The following PAM variants were observed in gnomAD, a reference collection of about 807,000 sequenced individuals.
PAM encodes the protein peptidylglycine alpha-amidating monooxygenase.
A neutral mutation model predicts 122.1 loss-of-function variants in PAM; 72 were observed. That is an observed-to-expected ratio of 0.59 (90% CI 0.49 to 0.72). The LOEUF (loss-of-function observed/expected upper bound fraction) is 0.72, where lower values mean the gene tolerates loss of function less well. Among genes scored for constraint, PAM ranks in the 30% least tolerant of loss-of-function variants. The pLI is 0.00. For missense variants in PAM, 1,106 were observed against 1,183.7 expected, an observed-to-expected ratio of 0.93 and a Z score of 0.96; for synonymous variants, 389 against 404.4, an observed-to-expected ratio of 0.96 and a Z score of 0.46.
At chr5:102,916,728 A>G (rs1803238006) in intron 5 of PAM, among the ~76,000 whole-genome samples, 1 of 146,448 alleles carries the variant, frequency 6.8e-6, no homozygotes, top group Non-Finnish European at 1.5e-5. Context: ...TATATCATAT[A>G]TTTATTTTAT....
chr5:102,822,677 A>AGAGT (rs1772359330), intron 1 of PAM, among the ~76,000 whole-genome samples: 1 of 152,168 alleles, frequency 6.6e-6, no homozygotes, highest in Admixed American at 6.6e-5. Flanking sequence ...CTAAGTGTGA[A>AGAGT]GAGTTAATGC....
chr5:102,756,043 C>A (rs1467273407), intron 1 of PAM, among the ~76,000 whole-genome samples: 2 of 152,152 alleles, frequency 1.3e-5, no homozygotes, highest in Non-Finnish European at 2.9e-5. Context: ...AGCTCTGTGG[C>A]CTTGGGACCC....
chr5:102,900,297 A>C (rs2151392468), intron 3 of PAM, among the ~76,000 whole-genome samples: 1 of 150,644 alleles, frequency 6.6e-6, no homozygotes, highest in African/African-American at 2.4e-5. Context: ...ATCAGCACAA[A>C]TCCTTATTAG....
chr5:102,961,285 C>A, intron 14 of PAM, 56 bp downstream of exon 14: 1 of 916,084 alleles, frequency 1.1e-6, no homozygotes, highest in Non-Finnish European at 1.8e-6. Context: ...TCCAAGTAGG[C>A]AACCAAATTG....
chr5:102,977,515 A>G (rs1259135411), intron 15 of PAM, among the ~76,000 whole-genome samples: 2 of 151,966 alleles, frequency 1.3e-5, no homozygotes, highest in African/African-American at 2.4e-5. Flanking sequence ...ACTCTGAACA[A>G]TTGTGAAAAC....
At chr5:102,859,802 T>C (rs903557148) in intron 1 of PAM, among the ~76,000 whole-genome samples, 1 of 152,230 alleles carries the variant, frequency 6.6e-6, no homozygotes, top group East Asian at 1.9e-4. Flanking sequence ...GTATTTTTAC[T>C]GTACCTTTTC....
chr5:102,890,916 C>T (rs1581387485), intron 3 of PAM, among the ~76,000 whole-genome samples: 1 of 151,976 alleles, frequency 6.6e-6, no homozygotes, highest in Non-Finnish European at 1.5e-5. Context: ...AACTGTGTGA[C>T]AAGTATCCAC....
intron 14 of PAM, among the ~76,000 whole-genome samples, chr5:102,970,820 T>A (rs746932226): frequency 6.6e-6 from 1 of 152,030 alleles, no homozygotes; most frequent in Non-Finnish European, 1.5e-5. Flanking sequence ...ACTTATTTAT[T>A]TTTTGAGACT....
At chr5:102,910,992 C>A (rs1801238887) in intron 4 of PAM, among the ~76,000 whole-genome samples, 1 of 151,736 alleles carries the variant, frequency 6.6e-6, no homozygotes, top group African/African-American at 2.4e-5. Flanking sequence ...TGGAGCAAAC[C>A]CCTGAAATGA....
Position 102,913,953 on chromosome 5 carries a change from C to T in PAM, c.288C>T (p.Ala96=), listed in dbSNP as rs745581234. 1.2e-6 allele frequency: 2 copies of T among 1,604,688 alleles called. No individual in the cohort carries two copies. The highest frequency in any genetic ancestry group is 1.1e-5 in the South Asian group (1 of 90,858). Residue 96 remains alanine, a synonymous_variant, in exon 5 of 26, where the codon GCC becomes GCT. Transcript: ENST00000438793. The stretch of plus-strand genomic sequence containing the variant: ...TAACAGTTGACTTCAAGCCTCGAGC[C>T]AGCATGGATACTGTCCATCACATGT... The part of the protein sequence containing the change: ...EAFVIDFKPR[A]SMDTVHHMLL...
At chr5:102,916,626 T>TA (rs1256376783) in intron 5 of PAM, among the ~76,000 whole-genome samples, 2 of 143,954 alleles carry the variant, frequency 1.4e-5, no homozygotes, top group Non-Finnish European at 3.0e-5. Context: ...TCAGGCCTTT[T>TA]TATATATATA....
At chr5:102,930,203 C>T (rs1750996454) in intron 7 of PAM, among the ~76,000 whole-genome samples, 2 of 152,122 alleles carry the variant, frequency 1.3e-5, no homozygotes, top group African/African-American at 4.8e-5. Context: ...TATACTAGTG[C>T]TGGGTATACT....
chr5:102,938,350 T>C (rs1445419269), intron 7 of PAM, among the ~76,000 whole-genome samples: 2 of 152,166 alleles, frequency 1.3e-5, no homozygotes, highest in African/African-American at 4.8e-5. Flanking sequence ...AATTACACTT[T>C]CATTCATAGG....
intron 4 of PAM, among the ~76,000 whole-genome samples, chr5:102,907,306 C>CT (rs1299677749): frequency 1.3e-5 from 2 of 151,452 alleles, no homozygotes; most frequent in East Asian, 1.9e-4. Context: ...TGAACTCATC[C>CT]TTTTTTATGG....
chr5:102,990,222 G>T, intron 15 of PAM, 50 bp from the exon 16 acceptor site: 1 of 1,396,300 alleles, frequency 7.2e-7, no homozygotes, highest in Non-Finnish European at 9.5e-7. Flanking sequence ...ATCCTCATGA[G>T]GCAATTCGAC....
At chr5:102,956,548 C>T (rs1760807832) in intron 12 of PAM, among the ~76,000 whole-genome samples, 1 of 152,040 alleles carries the variant, frequency 6.6e-6, no homozygotes, top group Admixed American at 6.6e-5. Context: ...TACTTAAGTA[C>T]ATGTGTTTTT....
At chr5:102,907,406 A>G (rs1799902353) in intron 4 of PAM, among the ~76,000 whole-genome samples, 1 of 151,308 alleles carries the variant, frequency 6.6e-6, no homozygotes, top group African/African-American at 2.4e-5. Context: ...AGTCTTTGCT[A>G]TTGTGAATAG....
chr5:102,797,504 C>T (rs1372104469), intron 1 of PAM, among the ~76,000 whole-genome samples: 1 of 152,110 alleles, frequency 6.6e-6, no homozygotes, highest in African/African-American at 2.4e-5. Flanking sequence ...TAATGGCTTT[C>T]GACCTGCTGT....
chr5:102,874,289 T>A (rs1334316604), intron 3 of PAM, among the ~76,000 whole-genome samples: 4 of 152,220 alleles, frequency 2.6e-5, no homozygotes, highest in African/African-American at 9.6e-5. Context: ...TGTCGGCAAG[T>A]GTCAAGTATA....
Sources: gnomAD v4.1 joint callset for allele counts (sites outside exome capture counted in the v4.1 genomes callset) on GRCh38, gnomAD v4.1.1 for gene constraint, MANE v1.5 for transcripts, NCBI Gene and HGNC (gene_info 2026-07-23, HGNC 2026-07-21) for gene names.